CAPZA2: variants seen among roughly 807,000 people sequenced by gnomAD.
The protein encoded by CAPZA2 is F-actin-capping protein subunit alpha-2.
In CAPZA2, 13 loss-of-function variants were observed where a neutral mutation model predicts 44.0. That is an observed-to-expected ratio of 0.30 (90% CI 0.19 to 0.47). The LOEUF (loss-of-function observed/expected upper bound fraction) is 0.47, where lower values mean the gene tolerates loss of function less well. CAPZA2 is among the 20% of genes least tolerant of loss of function. The probability of loss-of-function intolerance (pLI) is 1.00; values close to 1 mark genes in which losing one functional copy is unlikely to be tolerated. For synonymous variants in CAPZA2, 94 were observed against 108.2 expected (o/e 0.87, Z 0.81); for missense variants, 244 against 338.6 (o/e 0.72, Z 2.19).
intron 6 of CAPZA2, 36 bp downstream of exon 6, chr7:116,906,378 A>G (rs761498094): frequency 6.2e-7 from 1 of 1,607,282 alleles, no homozygotes; most frequent in South Asian, 1.1e-5. Flanking sequence ...GAGTTTTGGC[A>G]TTGTTTTAAG....
chr7:116,878,310 G>C (rs7780748), intron 1 of CAPZA2, among the ~76,000 whole-genome samples: 1 of 152,098 alleles, frequency 6.6e-6, no homozygotes, highest in Non-Finnish European at 1.5e-5. Flanking sequence ...ACGCTGTATT[G>C]GGAGGCAGCT....
chr7:116,912,238 T>G, intron 8 of CAPZA2, 98 bp downstream of exon 8: 1 of 1,523,114 alleles, frequency 6.6e-7, no homozygotes, highest in Non-Finnish European at 8.8e-7. Flanking sequence ...TGCTTCAGAT[T>G]ACCGTGTTTT....
chr7:116,870,263 G>A (rs978000640), intron 1 of CAPZA2, among the ~76,000 whole-genome samples: 8 of 152,154 alleles, frequency 5.3e-5, no homozygotes, highest in African/African-American at 1.9e-4. Flanking sequence ...TTAGAAGATA[G>A]AAAAGCTACT....
At chr7:116,894,129 C>T (rs1353810446) in intron 3 of CAPZA2, among the ~76,000 whole-genome samples, 2 of 152,002 alleles carry the variant, frequency 1.3e-5, no homozygotes, top group Admixed American at 6.6e-5. Context: ...TTTGGGAGGC[C>T]GAGGCAGGCG....
At chr7:116,914,188 C>T (rs149539747) in intron 8 of CAPZA2, among the ~76,000 whole-genome samples, 1,589 of 151,532 alleles carry the variant, frequency 0.01, 10 homozygotes, top group Non-Finnish European at 0.015. Context: ...CTACCACACC[C>T]GGCTAATTTT....
At chr7:116,887,276 C>T (rs1186925557) in intron 1 of CAPZA2, among the ~76,000 whole-genome samples, 2 of 152,144 alleles carry the variant, frequency 1.3e-5, no homozygotes, top group Non-Finnish European at 2.9e-5. Flanking sequence ...CCTGTAATCC[C>T]AGCACTTTGG....
chr7:116,899,587 G>A (rs1796969470), intron 4 of CAPZA2, among the ~76,000 whole-genome samples: 1 of 151,024 alleles, frequency 6.6e-6, no homozygotes, highest in East Asian at 1.9e-4. Context: ...AGATATGTGT[G>A]TGTATATACA....
chr7:116,875,031 G>C (rs148610843), intron 1 of CAPZA2: 1 of 152,446 alleles, frequency 6.6e-6, no homozygotes, highest in East Asian at 1.9e-4. Flanking sequence ...GGAGGTTGCA[G>C]TGAGCGGGGA....
intron 1 of CAPZA2, among the ~76,000 whole-genome samples, chr7:116,881,796 C>G (rs893532550): frequency 2.0e-5 from 3 of 151,846 alleles, no homozygotes; most frequent in Non-Finnish European, 4.4e-5. Context: ...CCTCCACCCC[C>G]GCCCTGGTCC....
chr7:116,873,261 A>C (rs1007195220), intron 1 of CAPZA2, among the ~76,000 whole-genome samples: 1 of 152,156 alleles, frequency 6.6e-6, no homozygotes, highest in African/African-American at 2.4e-5. Flanking sequence ...CTTTGCTTCT[A>C]AATTTAATGG....
chr7:116,884,118 T>C (rs1796732573), intron 1 of CAPZA2, among the ~76,000 whole-genome samples: 1 of 152,222 alleles, frequency 6.6e-6, no homozygotes, highest in African/African-American at 2.4e-5. Context: ...CAGTGTATGT[T>C]TGGCATGCAC....
At chr7:116,881,922 A>C (rs1276061435) in intron 1 of CAPZA2, among the ~76,000 whole-genome samples, 3 of 152,014 alleles carry the variant, frequency 2.0e-5, no homozygotes, top group Non-Finnish European at 4.4e-5. Context: ...TGAAGAGTAC[A>C]GACTGATTAT....
intron 1 of CAPZA2, among the ~76,000 whole-genome samples, chr7:116,866,330 C>G (rs1024115211): frequency 3.9e-5 from 6 of 152,128 alleles, no homozygotes; most frequent in African/African-American, 1.4e-4. Context: ...TGCCACCGCG[C>G]CCGGCTAATT....
At position 116,892,934 on chromosome 7, in the gene CAPZA2, G is replaced by A. The variant is rs1469895549; in HGVS notation, c.104-60G>A. The stretch of plus-strand genomic sequence containing the variant: ...TTAATACATCACCAAAACAATCTGC[G>A]TTCATTACATTCTTGAAACATATAA... On this transcript the variant is annotated intron_variant, in intron 2 of 9. Coordinates refer to ENST00000361183, the MANE Select transcript of CAPZA2 (RefSeq NM_006136.3). 34 of 1,232,666 alleles carry A rather than the reference G, an allele frequency of 2.8e-5. 1 individual carries two copies. The highest frequency in any genetic ancestry group is 4.9e-5 in the East Asian group (2 of 40,666). 76.4% of individuals were successfully genotyped at this position (1,232,666 alleles called of 1,614,324 possible).
At chr7:116,901,108 A>G (rs1390953670) in intron 4 of CAPZA2, among the ~76,000 whole-genome samples, 2 of 152,150 alleles carry the variant, frequency 1.3e-5, no homozygotes, top group Non-Finnish European at 2.9e-5. Flanking sequence ...GCGATTCCTC[A>G]GAGATCTAAA....
intron 9 of CAPZA2, among the ~76,000 whole-genome samples, chr7:116,916,817 G>C (rs374193704): frequency 6.6e-6 from 1 of 152,202 alleles, no homozygotes; most frequent in African/African-American, 2.4e-5. Flanking sequence ...GCTTCAGTGA[G>C]CATTGCCTTT....
chr7:116,869,224 T>C (rs187714160), intron 1 of CAPZA2, among the ~76,000 whole-genome samples: 5 of 152,328 alleles, frequency 3.3e-5, no homozygotes, highest in Admixed American at 1.3e-4. Flanking sequence ...GGGGTCTTTG[T>C]CTTCTGAAAA....
At position 116,906,436 on chromosome 7, in the gene CAPZA2, A is replaced by G. The variant is rs969109732; in HGVS notation, c.506+94A>G. On this transcript the variant is annotated intron_variant, in intron 6 of 9. Transcript: ENST00000361183. ...GATTTGGGCTACACCTTGTTTGTTTATGATTAAGAACAATTTAGAGATGGT... is the reference window on the plus strand; with the variant it reads ...GATTTGGGCTACACCTTGTTTGTTTGTGATTAAGAACAATTTAGAGATGGT... The G allele has an allele frequency of 4.2e-5, 63 of 1,501,174 alleles. No homozygotes were observed. In the Middle Eastern group the frequency reaches 1.3e-3, roughly 30 times the overall value. 93.0% of individuals were successfully genotyped at this position (1,501,174 alleles called of 1,614,324 possible).
chr7:116,894,448 C>CT (rs1214376601), intron 3 of CAPZA2, among the ~76,000 whole-genome samples: 2 of 151,654 alleles, frequency 1.3e-5, no homozygotes, highest in Non-Finnish European at 2.9e-5. Flanking sequence ...AAAAAATGGC[C>CT]TTTATGAAGG....
Sources: gnomAD v4.1 joint callset for allele counts (sites outside exome capture counted in the v4.1 genomes callset) on GRCh38, gnomAD v4.1.1 for gene constraint, MANE v1.5 for transcripts, NCBI Gene and HGNC (gene_info 2026-07-23, HGNC 2026-07-21) for gene names.